Variants in FRK observed in about 807,000 individuals in gnomAD.
The protein encoded by FRK is fyn related Src family tyrosine kinase.
FRK carries 51 observed loss-of-function variants against 56.4 expected under a neutral mutation model. The ratio of observed to expected loss-of-function variants is 0.90; its 90% confidence interval spans 0.72 to 1.14. FRK has a LOEUF of 1.14. FRK is among the 50% of genes most tolerant of loss of function. The probability of loss-of-function intolerance (pLI) is 0.00; values close to 1 mark genes in which losing one functional copy is unlikely to be tolerated. For synonymous variants in FRK, 245 were observed against 217.9 expected (o/e 1.12, Z -1.10); for missense variants, 570 against 601.4 (o/e 0.95, Z 0.55).
intron 1 of FRK, among the ~76,000 whole-genome samples, chr6:116,022,796 A>G (rs1203395920): frequency 6.6e-6 from 1 of 152,198 alleles, no homozygotes; most frequent in Non-Finnish European, 1.5e-5. Context: ...AGGCAACTTA[A>G]TTATCTAATA....
At chr6:116,002,471 G>T (rs750467400) in intron 2 of FRK, among the ~76,000 whole-genome samples, 3 of 152,164 alleles carry the variant, frequency 2.0e-5, no homozygotes, top group Non-Finnish European at 4.4e-5. Flanking sequence ...ATAAAAACTA[G>T]CCAGGCATAG....
chr6:116,035,938 T>C (rs139987072), intron 1 of FRK, among the ~76,000 whole-genome samples: 391 of 152,240 alleles, frequency 2.6e-3, no homozygotes, highest in Non-Finnish European at 4.6e-3. Flanking sequence ...TTCTTATCCT[T>C]CTTTTCCTCC....
Position 115,931,893 on chromosome 6 carries a change from A to G in FRK, c.*10521T>C, listed in dbSNP as rs1310856534. 6.6e-6 allele frequency: 1 copy of G among 152,196 alleles called. No homozygotes were observed. The highest frequency in any genetic ancestry group is 1.5e-5 in the Non-Finnish European group (1 of 68,026). 9.4% of individuals were successfully genotyped at this position (152,196 alleles called of 1,614,324 possible). On this transcript the variant is annotated 3_prime_UTR_variant, in exon 8 of 8. Coordinates refer to ENST00000606080, the MANE Select transcript of FRK (RefSeq NM_002031.3). ...AGGTAATATGACTTGAATCCTCTGC[A>G]TGGTAATACTTCCAACTGGACACTT...
At chr6:115,991,284 C>T (rs1774595140) in intron 2 of FRK, among the ~76,000 whole-genome samples, 1 of 151,830 alleles carries the variant, frequency 6.6e-6, no homozygotes, top group African/African-American at 2.4e-5. Flanking sequence ...TCTGATTGCT[C>T]TGGCTACAAT....
At chr6:116,072,894 A>C in the FRK span, among the ~76,000 whole-genome samples, 3 of 152,180 alleles carry the variant, frequency 2.0e-5, no homozygotes, top group African/African-American at 7.2e-5. Flanking sequence ...TAAGATTAGC[A>C]AAAGGCTTAG....
chr6:115,950,537 T>C (rs1772696592), intron 5 of FRK, among the ~76,000 whole-genome samples: 1 of 152,124 alleles, frequency 6.6e-6, no homozygotes, highest in South Asian at 2.1e-4. Flanking sequence ...GGAGAGGATG[T>C]GGAGAAAGAG....
chr6:116,005,163 G>T (rs927918973), intron 1 of FRK, among the ~76,000 whole-genome samples: 11 of 152,126 alleles, frequency 7.2e-5, no homozygotes, highest in Non-Finnish European at 1.0e-4. Context: ...CAAATGCAGG[G>T]TGTTCGTTTA....
chr6:116,013,380 TAA>T (rs1775541705), intron 1 of FRK, among the ~76,000 whole-genome samples: 1 of 152,132 alleles, frequency 6.6e-6, no homozygotes, highest in Non-Finnish European at 1.5e-5. Flanking sequence ...ATTTCTCTTT[TAA>T]AATAAAAAAC....
intron 2 of FRK, among the ~76,000 whole-genome samples, chr6:115,995,005 C>T (rs1774781915): frequency 6.6e-6 from 1 of 152,124 alleles, no homozygotes; most frequent in South Asian, 2.1e-4. Context: ...CTCTCTAAAA[C>T]AGGGGCACAC....
At chr6:115,969,217 A>G (rs1773708324) in intron 2 of FRK, among the ~76,000 whole-genome samples, 1 of 152,174 alleles carries the variant, frequency 6.6e-6, no homozygotes, top group African/African-American at 2.4e-5. Context: ...TGTGCTCAAT[A>G]CCGTCTTACA....
the FRK span, among the ~76,000 whole-genome samples, chr6:116,079,537 C>G: frequency 2.0e-5 from 3 of 151,888 alleles, no homozygotes; most frequent in Non-Finnish European, 2.9e-5. Flanking sequence ...AACTTAATTT[C>G]ATTGTAGGTA....
At chr6:116,062,097 C>G (rs561673584), upstream of FRK, among the ~76,000 whole-genome samples, 1 of 152,250 alleles carries the variant, frequency 6.6e-6, no homozygotes, top group Non-Finnish European at 1.5e-5. Context: ...GTGCAAAAAT[C>G]AGTCCATAGC....
At chr6:115,981,452 C>T (rs1340994907) in intron 2 of FRK, among the ~76,000 whole-genome samples, 1 of 151,992 alleles carries the variant, frequency 6.6e-6, no homozygotes, top group Admixed American at 6.6e-5. Flanking sequence ...CCACTAATTT[C>T]CTATTTCTTG....
At chr6:116,016,052 C>T (rs1350135420) in intron 1 of FRK, among the ~76,000 whole-genome samples, 1 of 152,166 alleles carries the variant, frequency 6.6e-6, no homozygotes, top group Non-Finnish European at 1.5e-5. Context: ...GCTTAAGTGA[C>T]CAGGGGCCAA....
intron 2 of FRK, among the ~76,000 whole-genome samples, chr6:115,978,496 G>C (rs997303350): frequency 3.3e-5 from 5 of 152,170 alleles, no homozygotes; most frequent in African/African-American, 9.7e-5. Context: ...TTGGCACTGT[G>C]CCTTTCTAGC....
intron 1 of FRK, chr6:116,039,395 C>G (rs1327605784): frequency 6.4e-7 from 1 of 1,566,278 alleles, no homozygotes; most frequent in Non-Finnish European, 8.8e-7. Context: ...ATGGGGGCAA[C>G]CTGCAAGGAG....
chr6:116,021,135 A>AT (rs1775859553), intron 1 of FRK, among the ~76,000 whole-genome samples: 1 of 151,960 alleles, frequency 6.6e-6, no homozygotes, highest in Admixed American at 6.6e-5. Flanking sequence ...CATTTTAAAA[A>AT]TATATTGAAA....
intron 5 of FRK, among the ~76,000 whole-genome samples, chr6:115,949,393 C>G (rs1224239886): frequency 6.6e-6 from 1 of 152,118 alleles, no homozygotes; most frequent in East Asian, 1.9e-4. Context: ...CAGCTTTTGT[C>G]CAGTCAGTAT....
chr6:115,974,645 T>C (rs1773925670), intron 2 of FRK, among the ~76,000 whole-genome samples: 1 of 152,204 alleles, frequency 6.6e-6, no homozygotes, highest in Non-Finnish European at 1.5e-5. Context: ...AATTTCCAAA[T>C]GTTTCCATCT....
Sources: allele counts gnomAD v4.1 joint callset (sites outside exome capture counted in the v4.1 genomes callset), GRCh38; gene constraint gnomAD v4.1.1; transcripts MANE v1.5; gene names NCBI Gene and HGNC (gene_info 2026-07-23, HGNC 2026-07-21).